DYNC2H1: variants seen among roughly 807,000 people sequenced by gnomAD.
The protein encoded by DYNC2H1 is dynein cytoplasmic 2 heavy chain 1.
DYNC2H1 carries 410 observed loss-of-function variants against 570.0 expected under a neutral mutation model. That is an observed-to-expected ratio of 0.72 (90% CI 0.66 to 0.78). The LOEUF is 0.78. Among genes scored for constraint, DYNC2H1 ranks in the 30% least tolerant of loss-of-function variants. The pLI is 0.00. For synonymous variants in DYNC2H1, 1,688 were observed against 1,677.6 expected (o/e 1.01, Z -0.15); for missense variants, 4,865 against 5,046.4 (o/e 0.96, Z 1.09).
intron 22 of DYNC2H1, 117 bp from the exon 23 acceptor site, chr11:103,154,334 C>A (rs1315723186): frequency 6.5e-5 from 50 of 763,836 alleles, no homozygotes; most frequent in Middle Eastern, 7.8e-4. Flanking sequence ...ATCTATTAAA[C>A]ATACACAAGT....
At chr11:103,390,134 G>GACTC (rs1942075030) in intron 83 of DYNC2H1, among the ~76,000 whole-genome samples, 1 of 152,180 alleles carries the variant, frequency 6.6e-6, no homozygotes, top group Non-Finnish European at 1.5e-5. Flanking sequence ...GGGAGTCTAA[G>GACTC]TCTCTTTGTA....
At chr11:103,222,311 A>C (rs566901018) in intron 58 of DYNC2H1, among the ~76,000 whole-genome samples, 158 bp downstream of exon 58, 1 of 152,360 alleles carries the variant, frequency 6.6e-6, no homozygotes, top group African/African-American at 2.4e-5. Flanking sequence ...ATTAACCATC[A>C]GAATCAGGTA....
rs1866516568 is a variant in DYNC2H1 at position 103,289,761 on chromosome 11, A to G, written c.11095+2156A>G. On this transcript the variant is annotated intron_variant, in intron 75 of 88. Coordinates refer to ENST00000375735, the MANE Select transcript of DYNC2H1 (RefSeq NM_001377.3). This position sits in a 1 kb window ranked among gnomAD's most constrained non-coding sequence, Gnocchi z 4.2. ...GGACAGCAGAGCAAGACCTCATCTCAAAGAAAAAAAGAAAAATGATTCTCT... is the reference window on the plus strand; with the variant it reads ...GGACAGCAGAGCAAGACCTCATCTCGAAGAAAAAAAGAAAAATGATTCTCT... 6.6e-6 allele frequency among the ~76,000 whole-genome samples: 1 copy of G among 152,150 alleles called. No individual in the cohort carries two copies. The highest frequency in any genetic ancestry group is 2.1e-4 in the South Asian group (1 of 4,832).
chr11:103,123,556 T>TTA (rs1198549477), intron 11 of DYNC2H1, among the ~76,000 whole-genome samples: 1 of 152,192 alleles, frequency 6.6e-6, no homozygotes, highest in African/African-American at 2.4e-5. Flanking sequence ...GGCATAGTGA[T>TTA]TATAATTTTA....
At chr11:103,286,752 A>T (rs1041756070) in intron 74 of DYNC2H1, among the ~76,000 whole-genome samples, 3 of 152,148 alleles carry the variant, frequency 2.0e-5, no homozygotes, top group African/African-American at 4.8e-5. Flanking sequence ...TTCCCATTCT[A>T]TTTTAAAATA....
At chr11:103,419,568 A>G (rs989750633) in intron 84 of DYNC2H1, among the ~76,000 whole-genome samples, 2 of 144,136 alleles carry the variant, frequency 1.4e-5, no homozygotes, top group African/African-American at 5.0e-5. Context: ...CTGACTGGTT[A>G]AAAAAAAAAA....
chr11:103,175,807 T>G (rs778621596), intron 36 of DYNC2H1, among the ~76,000 whole-genome samples: 8 of 152,194 alleles, frequency 5.3e-5, no homozygotes, highest in Non-Finnish European at 1.0e-4. Context: ...AATATTGCTG[T>G]GCCTTTTCTG....
intron 35 of DYNC2H1, 151 bp from the exon 36 acceptor site, chr11:103,173,904 A>G: frequency 1.7e-6 from 1 of 598,596 alleles, no homozygotes; most frequent in Non-Finnish European, 2.9e-6. Context: ...TTGAATGATT[A>G]TTTTGTGTGG....
rs999640439 is a variant in DYNC2H1, at chr11:103,133,439, G to A, written c.1954-116G>A. ...CATTTATAAAATGGAAAATTATTAT[G>A]TGCTTTCTTTGTTGCAGGTCAGAGT... On this transcript the variant is annotated intron_variant, in intron 13 of 88. Transcript: ENST00000375735. This position sits in a 1 kb window ranked among gnomAD's most constrained non-coding sequence, Gnocchi z 4.8. 1.1e-6 allele frequency: 1 copy of A among 899,122 alleles called. No individual in the cohort carries two copies. The highest frequency in any genetic ancestry group is 1.6e-6 in the Non-Finnish European group (1 of 611,898). The allele number at this position is 899,122 out of a possible 1,614,324, so 55.7% of individuals were successfully genotyped here. A position where few individuals can be genotyped will look rare whatever the true frequency, so the allele number is the denominator to read the frequency against.
Position 103,163,241 on chromosome 11 carries a change from T to C in DYNC2H1, c.4611+94T>C, listed in dbSNP as rs1165793467. 1 of 1,399,342 alleles carries C rather than the reference T, an allele frequency of 7.1e-7. No individual in the cohort carries two copies. Among genetic ancestry groups the C allele is most frequent in the Non-Finnish European group, 9.5e-7 (1 of 1,047,704 alleles). The allele number at this position is 1,399,342 out of a possible 1,614,324, so 86.7% of individuals were successfully genotyped here. On this transcript the variant is annotated intron_variant, in intron 30 of 88. Coordinates refer to ENST00000375735, the MANE Select transcript of DYNC2H1 (RefSeq NM_001377.3). This position sits in a 1 kb window ranked among gnomAD's most constrained non-coding sequence, Gnocchi z 4.6. ...GAGGCTCAGATAAATCGCATCTGTT[T>C]TCTCCCTTTATCTAACAGTTAACGG...
chr11:103,133,117 G>T lies in DYNC2H1; in HGVS notation c.1954-438G>T, dbSNP rs1859359362. Among the ~76,000 whole-genome samples the T allele has an allele frequency of 1.3e-5, 2 of 152,144 alleles. No homozygotes were observed. The highest frequency in any genetic ancestry group is 1.3e-4 in the Admixed American group (2 of 15,274). On this transcript the variant is annotated intron_variant, in intron 13 of 88. Transcript: ENST00000375735. The surrounding 1 kb of genome is among the most constrained non-coding windows in gnomAD (Gnocchi z 4.8). ...CAATAGGATGTGTATTGCTAAAAAT[G>T]TTTTCTCTTGTTAGGCTGCTGTTTT...
intron 40 of DYNC2H1, among the ~76,000 whole-genome samples, chr11:103,182,542 A>G (rs888808490): frequency 9.9e-5 from 15 of 151,896 alleles, no homozygotes; most frequent in African/African-American, 3.6e-4. Context: ...GAGAAAAATG[A>G]CATGCAAACA....
intron 60 of DYNC2H1, among the ~76,000 whole-genome samples, chr11:103,233,327 G>A (rs893337369): frequency 1.3e-5 from 2 of 150,876 alleles, no homozygotes; most frequent in African/African-American, 2.4e-5. Context: ...ACCACCCTGG[G>A]CATATTATAA....
intron 40 of DYNC2H1, among the ~76,000 whole-genome samples, chr11:103,182,219 T>C (rs946220830): frequency 6.6e-5 from 10 of 150,928 alleles, no homozygotes; most frequent in African/African-American, 2.4e-4. Flanking sequence ...AGTAAATACC[T>C]ATATATATGA....
chr11:103,416,432 ATAC>A (rs1456160370), intron 84 of DYNC2H1, among the ~76,000 whole-genome samples: 2 of 152,204 alleles, frequency 1.3e-5, no homozygotes, highest in Admixed American at 1.3e-4. Context: ...ACTTCAAACT[ATAC>A]TACAAGGCTA....
intron 82 of DYNC2H1, among the ~76,000 whole-genome samples, chr11:103,341,332 C>A (rs978220014): frequency 3.3e-5 from 5 of 152,138 alleles, no homozygotes; most frequent in Non-Finnish European, 4.4e-5. Context: ...TTTCTTCCCC[C>A]CCTTTTAAAA....
chr11:103,276,243 C>T (rs772914520), intron 70 of DYNC2H1, among the ~76,000 whole-genome samples: 3 of 151,832 alleles, frequency 2.0e-5, no homozygotes, highest in South Asian at 2.1e-4. Context: ...AGAAATTTTA[C>T]GTATGTAGGT....
chr11:103,304,780 G>A, intron 77 of DYNC2H1, 60 bp downstream of exon 77: 20 of 1,461,686 alleles, frequency 1.4e-5, no homozygotes, highest in Non-Finnish European at 1.8e-5. Context: ...ATCTCCAAGG[G>A]ACATCAGTAT....
At chr11:103,392,599 A>T (rs1942208459) in intron 83 of DYNC2H1, among the ~76,000 whole-genome samples, 1 of 152,034 alleles carries the variant, frequency 6.6e-6, no homozygotes, top group Admixed American at 6.5e-5. Flanking sequence ...TTTAGACTGG[A>T]GCTGTTCCTA....
Sources: gnomAD v4.1 joint callset for allele counts (sites outside exome capture counted in the v4.1 genomes callset) on GRCh38, gnomAD v4.1.1 for gene constraint, Gnocchi (gnomAD v3.1) non-coding constraint, MANE v1.5 for transcripts, NCBI Gene and HGNC (gene_info 2026-07-23, HGNC 2026-07-21) for gene names.